KCP: variants seen among roughly 807,000 people sequenced by gnomAD.
The protein encoded by KCP is kielin cysteine rich BMP regulator, also known as kielin/chordin-like protein.
KCP carries 194 observed loss-of-function variants against 212.7 expected under a neutral mutation model. The observed-to-expected ratio is 0.91, with a 90% CI of 0.81 to 1.03. The LOEUF is 1.03. Among genes scored for constraint, KCP ranks in the 50% least tolerant of loss-of-function variants. The probability of loss-of-function intolerance (pLI) is 0.00; values close to 1 mark genes in which losing one functional copy is unlikely to be tolerated. For missense variants in KCP, 2,080 were observed against 2,162.5 expected (o/e 0.96, Z 0.76); for synonymous variants, 833 against 865.3 (o/e 0.96, Z 0.65).
chr7:128,891,558 TG>T, intron 17 of KCP, 25 bp from the exon 18 acceptor site: 9 of 1,543,812 alleles, frequency 5.8e-6, no homozygotes, highest in Non-Finnish European at 7.0e-6. Flanking sequence ...GGCTATAGCC[TG>T]GGAGAGGGCG....
rs115003238 is a variant in KCP, at chr7:128,899,039, C to A, written c.831+3738G>T. 3.0e-3 allele frequency among the ~76,000 whole-genome samples: 455 copies of A among 152,210 alleles called. 5 individuals carry two copies. Among genetic ancestry groups the A allele is most frequent in the African/African-American group, 0.01 (427 of 41,532 alleles). On this transcript the variant is annotated intron_variant, in intron 8 of 39. Transcript: ENST00000610776. ...TTGGGTTTGACATCAATAATGCACC[C>A]GTGCAACAGTGACATTTGGCTTATT...
Position 128,906,364 on chromosome 7 carries a change from C to G in KCP, c.487-1G>C, listed in dbSNP as rs1795120511. On this transcript the variant is annotated splice_acceptor_variant, in intron 4 of 39. Transcript: ENST00000610776. LOFTEE classifies it high-confidence loss of function. ...TCTGGTTGCAAGTGATGGTACCTTC[C>G]TGTGGGAGCAGACTGAGGTGGCTGC... The G allele has an allele frequency of 6.5e-7, 1 of 1,546,902 alleles. No homozygotes were observed. Among genetic ancestry groups the G allele is most frequent in the Non-Finnish European group, 8.7e-7 (1 of 1,144,242 alleles).
chr7:128,904,364 C>CA, intron 5 of KCP: 1 of 1,551,556 alleles, frequency 6.4e-7, no homozygotes, highest in Non-Finnish European at 8.7e-7. Context: ...GGGCCCCTGG[C>CA]ACTGCACGGC....
At chr7:128,879,874 G>T (rs1423409416) in intron 35 of KCP, 39 bp downstream of exon 35, 5 of 1,551,080 alleles carry the variant, frequency 3.2e-6, no homozygotes, top group Non-Finnish European at 4.4e-6. Context: ...GCAGGGCTGG[G>T]TGTAGGGGTT....
intron 34 of KCP, 125 bp downstream of exon 34, chr7:128,880,261 C>T (rs1164626444): frequency 7.4e-7 from 1 of 1,347,418 alleles, no homozygotes; most frequent in African/African-American, 1.5e-5. Context: ...GGGAACAGCA[C>T]TGTCCCCAGC....
At chr7:128,893,051 C>G (rs966467326) in intron 13 of KCP, 30 bp from the exon 14 acceptor site, 28 of 874,214 alleles carry the variant, frequency 3.2e-5, no homozygotes, top group Non-Finnish European at 4.7e-5. Flanking sequence ...ACATGGCAGC[C>G]TACACACCTC....
At position 128,877,112 on chromosome 7, in the gene KCP, G is replaced by C; in HGVS notation, c.4818C>G (p.Val1606=). 1 of 1,515,016 alleles carries C rather than the reference G, an allele frequency of 6.6e-7. No homozygotes were observed. The highest frequency in any genetic ancestry group is 8.8e-7 in the Non-Finnish European group (1 of 1,134,966). 93.8% of individuals were successfully genotyped at this position (1,515,016 alleles called of 1,614,324 possible). ...CAAGTGGCTGGTCTCCAGTGAGCAG[G>C]ACTTGGGGGCAGGCCTCGGGTGGGA... ...HCIPPEACPQ[V]LLTGDQPLGA... is the part of the protein sequence containing the mutation. The change falls in exon 40 of 40, where the codon GTC becomes GTG. Residue 1606 remains valine (V), a synonymous_variant. Transcript: ENST00000610776.
Position 128,891,704 on chromosome 7 carries a change from G to T in KCP, c.1737C>A (p.Cys579Ter). The T allele has an allele frequency of 6.9e-7, 1 of 1,450,324 alleles. No individual in the cohort carries two copies. Among genetic ancestry groups the T allele is most frequent in the Non-Finnish European group, 9.1e-7 (1 of 1,100,016 alleles). The allele number at this position is 1,450,324 out of a possible 1,614,324, so 89.8% of individuals were successfully genotyped here. A position where few individuals can be genotyped will look rare whatever the true frequency, so the allele number is the denominator to read the frequency against. The stretch of plus-strand genomic sequence containing the variant: ...GCGGGTGGGCACAGGGGGCCCTGGG[G>T]CAGGGGCGAGGCTGGCAGTGGGCAT... ...EGHAHCQPRPCPRAPCAHPLP... is the reference protein window; with the variant it reads ...EGHAHCQPRP The change falls in exon 17 of 40, where the codon TGC (cysteine) becomes TGA (stop). Residue 579 changes from cysteine to a stop codon, truncating the protein, a stop_gained. Coordinates refer to ENST00000610776, the MANE Select transcript of KCP (RefSeq NM_001366122.1). LOFTEE classifies it high-confidence loss of function.
At chr7:128,899,374 T>C (rs114549495) in intron 8 of KCP, among the ~76,000 whole-genome samples, 295 of 152,350 alleles carry the variant, frequency 1.9e-3, no homozygotes, top group African/African-American at 6.7e-3. Context: ...TAACCAACTA[T>C]AGGACTTCAA....
At chr7:128,907,586 G>A (rs1026861459) in intron 2 of KCP, 133 bp from the exon 3 acceptor site, 4 of 556,290 alleles carry the variant, frequency 7.2e-6, no homozygotes, top group South Asian at 4.6e-5. Flanking sequence ...GGTCCCCCTC[G>A]GTCAGCATCC....
chr7:128,910,117 G>C (rs1044953203), intron 1 of KCP, among the ~76,000 whole-genome samples: 2 of 152,296 alleles, frequency 1.3e-5, no homozygotes, highest in Non-Finnish European at 2.9e-5. Context: ...GCCTCGCCTG[G>C]AGAGACCTGC....
At chr7:128,878,537 C>A in intron 38 of KCP, 21 bp downstream of exon 38, 1 of 1,547,040 alleles carries the variant, frequency 6.5e-7, no homozygotes, top group Non-Finnish European at 8.7e-7. Context: ...AATCCCCATC[C>A]CCGGTTCCTG....
chr7:128,892,233 G>GGGTAGGGT (rs1380140357), intron 16 of KCP, among the ~76,000 whole-genome samples: 2 of 151,330 alleles, frequency 1.3e-5, no homozygotes, highest in African/African-American at 4.9e-5. Flanking sequence ...GGGGGTAGGG[G>GGGTAGGGT]GGTGGGGGCC....
chr7:128,882,257 G>A (rs907818006), intron 29 of KCP, among the ~76,000 whole-genome samples: 1 of 152,304 alleles, frequency 6.6e-6, no homozygotes, highest in African/African-American at 2.4e-5. Context: ...CAAGGTGACT[G>A]GAAACAGACC....
In KCP at chr7:128,891,283, G is replaced by A; in HGVS notation, c.1879-5C>T. ...CAGGCACTGCACGTTGCCGCTCTAC[G>A]GACCGACAGACGCACCACGGGTCAG... On this transcript the variant is annotated splice_polypyrimidine_tract_variant and splice_region_variant and intron_variant, in intron 18 of 39. Transcript: ENST00000610776. The A allele has an allele frequency of 6.5e-7, 1 of 1,547,400 alleles. No individual in the cohort carries two copies. The highest frequency in any genetic ancestry group is 8.7e-7 in the Non-Finnish European group (1 of 1,146,644).
At chr7:128,908,953 T>C (rs1795295040) in intron 1 of KCP, among the ~76,000 whole-genome samples, 1 of 143,556 alleles carries the variant, frequency 7.0e-6, no homozygotes, top group African/African-American at 2.8e-5. Flanking sequence ...CAGGGGTTCC[T>C]GGGGGCTCCC....
Position 128,892,366 on chromosome 7 carries a change from G to A in KCP, c.1621+148C>T, listed in dbSNP as rs1266476923. 11 of 466,360 alleles carry A rather than the reference G, an allele frequency of 2.4e-5. No homozygotes were observed. The Admixed American group carries it at 2.5e-4, about 11-fold the overall frequency. The allele number at this position is 466,360 out of a possible 1,614,324, so 28.9% of individuals were successfully genotyped here. On this transcript the variant is annotated intron_variant, in intron 16 of 39. Coordinates refer to ENST00000610776, the MANE Select transcript of KCP (RefSeq NM_001366122.1). ...CTACTCTCCCTCCCACCCACACCCCGTGAGTTCCAGAGAGTTCTAAGCTCT... is the reference window on the plus strand; with the variant it reads ...CTACTCTCCCTCCCACCCACACCCCATGAGTTCCAGAGAGTTCTAAGCTCT...
rs979379821 is a variant in KCP, at chr7:128,892,567, G to A, written c.1568C>T (p.Thr523Met). The A allele has an allele frequency of 1.1e-5, 17 of 1,550,166 alleles. No homozygotes were observed. The Admixed American group carries it at 1.4e-4, about 13-fold the overall frequency. Residue 523 changes from threonine to methionine, a missense_variant, in exon 16 of 40, where the codon ACG (threonine) becomes ATG (methionine). By Grantham distance (81) the Thr-to-Met change is moderately conservative. Transcript: ENST00000610776. ...TCCACTCTGGGGCCTGGCACAGGTC[G>A]TGGGAGGGCAGTCAACCAAGGAGCA... ...VTCSLVDCPP[T>M]TCARPQSGPG... is the part of the protein sequence containing the mutation.
intron 13 of KCP, 63 bp downstream of exon 13, chr7:128,893,175 C>T: frequency 6.8e-7 from 1 of 1,471,576 alleles, no homozygotes; most frequent in Non-Finnish European, 9.3e-7. Flanking sequence ...GAAGGAGCAC[C>T]CTCCTTCTGC....
Sources: gnomAD v4.1 joint callset for allele counts (sites outside exome capture counted in the v4.1 genomes callset) on GRCh38, gnomAD v4.1.1 for gene constraint, MANE v1.5 for transcripts, NCBI Gene and HGNC (gene_info 2026-07-23, HGNC 2026-07-21) for gene names.